Variants in DIPK2B observed in about 807,000 individuals in gnomAD.
DIPK2B encodes the protein divergent protein kinase domain 2B.
In DIPK2B, 15 loss-of-function variants were observed where a neutral mutation model predicts 22.2. The observed-to-expected ratio is 0.68, with a 90% CI of 0.45 to 1.04. The LOEUF is 1.04. Among genes scored for constraint, DIPK2B ranks in the 50% least tolerant of loss-of-function variants. The pLI, the probability that DIPK2B is intolerant of heterozygous loss-of-function variation, is 0.00. For missense variants in DIPK2B, 345 were observed against 348.3 expected, an observed-to-expected ratio of 0.99 and a Z score of 0.08; for synonymous variants, 163 against 153.2, an observed-to-expected ratio of 1.06 and a Z score of -0.47.
At chrX:45,154,533 A>G (rs1367335486) in intron 3 of DIPK2B, among the ~76,000 whole-genome samples, 2 of 110,218 alleles carry the variant, frequency 1.8e-5, no homozygotes, top group Non-Finnish European at 3.8e-5. Flanking sequence ...CCCCTTCCCC[A>G]TTTTTTAATT....
chrX:45,189,046 G>A (rs1010104670), intron 2 of DIPK2B, among the ~76,000 whole-genome samples: 3 of 111,846 alleles, frequency 2.7e-5, no homozygotes, highest in African/African-American at 6.5e-5. Context: ...GTGCTGCTAT[G>A]AGCATTCATA....
chrX:45,159,879 A>G (rs1451596627), intron 2 of DIPK2B, among the ~76,000 whole-genome samples: 1 of 112,205 alleles, frequency 8.9e-6, no homozygotes, highest in Non-Finnish European at 1.9e-5. Flanking sequence ...TGGAATTAAA[A>G]GTTTGCTTTT....
intron 2 of DIPK2B, among the ~76,000 whole-genome samples, chrX:45,190,338 C>T (rs1358980539): frequency 4.5e-5 from 5 of 111,435 alleles, no homozygotes; most frequent in Admixed American, 9.5e-5. Context: ...ATCCAGAAGC[C>T]CTCTTCCCAC....
rs1259106805 is a variant in DIPK2B at position 45,151,247 on chromosome X, G to A, written c.*405C>T. ...TGAGCAGCTCTTTCTCATGCTCCCCGCCTCTGTGCTTTTCCAGAACACACT... is the reference window on the plus strand; with the variant it reads ...TGAGCAGCTCTTTCTCATGCTCCCCACCTCTGTGCTTTTCCAGAACACACT... On this transcript the variant is annotated 3_prime_UTR_variant, in exon 5 of 5. Coordinates refer to ENST00000398000, the MANE Select transcript of DIPK2B (RefSeq NM_176819.4). The A allele has an allele frequency of 6.7e-5, 9 of 135,061 alleles. No homozygotes were observed. The highest frequency in any genetic ancestry group is 1.0e-4 in the Non-Finnish European group (7 of 68,968). The allele number at this position is 135,061 out of a possible 1,213,427, so 11.1% of individuals were successfully genotyped here. A position where few individuals can be genotyped will look rare whatever the true frequency, so the allele number is the denominator to read the frequency against.
At chrX:45,158,329 C>A (rs1468584857) in intron 2 of DIPK2B, among the ~76,000 whole-genome samples, 1 of 110,487 alleles carries the variant, frequency 9.1e-6, no homozygotes, top group Non-Finnish European at 1.9e-5. Flanking sequence ...TTCTCCACCC[C>A]TCAGCTGGCC....
chrX:45,155,429 A>AT (rs1250757945), intron 3 of DIPK2B, among the ~76,000 whole-genome samples: 891 of 84,942 alleles, frequency 0.01, 7 homozygotes, highest in East Asian at 0.02. Flanking sequence ...TCTCAAAAAA[A>AT]AAATATATAT....
intron 2 of DIPK2B, among the ~76,000 whole-genome samples, chrX:45,187,990 G>C (rs952133620): frequency 1.2e-4 from 13 of 111,517 alleles, no homozygotes; most frequent in African/African-American, 4.2e-4. Flanking sequence ...GTCACACACA[G>C]AGAGAATCCC....
At chrX:45,170,311 C>T (rs750725238) in intron 2 of DIPK2B, among the ~76,000 whole-genome samples, 1 of 110,575 alleles carries the variant, frequency 9.0e-6, no homozygotes, top group Non-Finnish European at 1.9e-5. Flanking sequence ...AGCCCATGGC[C>T]TCCAGCACTG....
chrX:45,154,942 T>C (rs959481682), intron 3 of DIPK2B, among the ~76,000 whole-genome samples: 2 of 111,613 alleles, frequency 1.8e-5, no homozygotes, highest in Non-Finnish European at 3.8e-5. Context: ...CCTGAGTAGC[T>C]AGGACTTCAG....
rs140792840 is a variant in DIPK2B, at chrX:45,189,246, C to T, written c.498+2505G>A. Among the ~76,000 whole-genome samples, 19 of 111,840 alleles carry T rather than the reference C, an allele frequency of 1.7e-4. No homozygotes were observed. In the East Asian group the frequency reaches 5.1e-3, roughly 30 times the overall value. The stretch of plus-strand genomic sequence containing the variant: ...TTTTCAATTCTCTTGGGTGAATAGG[C>T]GAGGGTATTTTTTGGCCACCTTTGG... On this transcript the variant is annotated intron_variant, in intron 2 of 4. Coordinates refer to ENST00000398000, the MANE Select transcript of DIPK2B (RefSeq NM_176819.4).
intron 2 of DIPK2B, among the ~76,000 whole-genome samples, chrX:45,168,682 G>C (rs1467532515): frequency 8.9e-6 from 1 of 112,187 alleles, no homozygotes; most frequent in Non-Finnish European, 1.9e-5. Context: ...CCCATATGTG[G>C]CTTTATCCAC....
intron 2 of DIPK2B, among the ~76,000 whole-genome samples, chrX:45,172,711 T>A (rs964748626): frequency 6.2e-5 from 7 of 112,133 alleles, no homozygotes; most frequent in Middle Eastern, 4.6e-3. Context: ...GCAGGGAAGC[T>A]GACGCAGAGT....
At position 45,191,924 on chromosome X, in the gene DIPK2B, G is replaced by A. The variant is rs151037547; in HGVS notation, c.325C>T (p.Arg109Cys). 1.5e-5 allele frequency: 18 copies of A among 1,210,322 alleles called. No homozygotes were observed. The highest frequency in any genetic ancestry group is 2.3e-4 in the Middle Eastern group (1 of 4,375). ...ANYSDDSKIW[R>C]PVEIFRLVSK... ...ACCAGTCTAAAGATCTCCACAGGGC[G>A]CCAGATTTTGGAATCATCTGAGTAA... Residue 109 changes from arginine to cysteine, a missense_variant, in exon 2 of 5, where the codon CGC becomes TGC. Coordinates refer to ENST00000398000, the MANE Select transcript of DIPK2B (RefSeq NM_176819.4).
At chrX:45,185,679 G>A (rs1199533135) in intron 2 of DIPK2B, among the ~76,000 whole-genome samples, 1 of 94,733 alleles carries the variant, frequency 1.1e-5, no homozygotes, top group African/African-American at 4.1e-5. Context: ...TTGAGATGGA[G>A]TCTCGCTCTG....
At position 45,150,291 on chromosome X, in the gene DIPK2B, C is replaced by T. The variant is rs2046953388; in HGVS notation, c.*1361G>A. ...GCTGGGCAAATGTACAGAAGAGCCC[C>T]CTGCTTATGTTTCAGGGGCCAGGGC... On this transcript the variant is annotated 3_prime_UTR_variant, in exon 5 of 5. Coordinates refer to ENST00000398000, the MANE Select transcript of DIPK2B (RefSeq NM_176819.4). The T allele has an allele frequency of 8.9e-6, 1 of 111,844 alleles. No individual in the cohort carries two copies. The highest frequency in any genetic ancestry group is 3.3e-5 in the African/African-American group (1 of 30,710). 9.2% of individuals were successfully genotyped at this position (111,844 alleles called of 1,213,427 possible). A position where few individuals can be genotyped will look rare whatever the true frequency, so the allele number is the denominator to read the frequency against.
chrX:45,193,431 G>GT (rs904905554), intron 1 of DIPK2B, among the ~76,000 whole-genome samples: 2 of 111,768 alleles, frequency 1.8e-5, no homozygotes, highest in African/African-American at 6.5e-5. Context: ...AGACTGTGTT[G>GT]TTTTTTTCTC....
chrX:45,173,521 C>G, intron 2 of DIPK2B, among the ~76,000 whole-genome samples: 1 of 74,475 alleles, frequency 1.3e-5, no homozygotes, highest in Non-Finnish European at 2.4e-5. Flanking sequence ...CTTTTTCTTT[C>G]TTTCTTTCTT....
intron 4 of DIPK2B, 51 bp from the exon 5 acceptor site, chrX:45,152,043 G>A: frequency 1.9e-6 from 2 of 1,067,470 alleles, no homozygotes; most frequent in Non-Finnish European, 2.5e-6. Context: ...TGCTCCTTGA[G>A]GGAGGGCACC....
intron 2 of DIPK2B, among the ~76,000 whole-genome samples, chrX:45,167,062 A>G (rs760474366): frequency 1.8e-5 from 2 of 112,790 alleles, no homozygotes; most frequent in Non-Finnish European, 3.7e-5. Flanking sequence ...AAGTTAATCA[A>G]TGCTTTATAA....
Sources: allele counts gnomAD v4.1 joint callset (sites outside exome capture counted in the v4.1 genomes callset), GRCh38; gene constraint gnomAD v4.1.1; transcripts MANE v1.5; gene names NCBI Gene and HGNC (gene_info 2026-07-23, HGNC 2026-07-21).